AKT3: variants seen among roughly 807,000 people sequenced by gnomAD.
The protein encoded by AKT3 is AKT serine/threonine kinase 3, also known as RAC-gamma serine/threonine-protein kinase.
In AKT3, 15 loss-of-function variants were observed where a neutral mutation model predicts 65.3. That is an observed-to-expected ratio of 0.23 (90% CI 0.15 to 0.35). The LOEUF (loss-of-function observed/expected upper bound fraction) is 0.35, where lower values mean the gene tolerates loss of function less well. Among genes scored for constraint, AKT3 ranks in the 10% least tolerant of loss-of-function variants. The pLI is 1.00. For missense variants in AKT3, 243 were observed against 576.5 expected (o/e 0.42, Z 5.92); for synonymous variants, 206 against 183.8 (o/e 1.12, Z -0.98).
intron 12 of AKT3, among the ~76,000 whole-genome samples, chr1:243,516,939 T>C (rs1403222280): frequency 6.6e-6 from 1 of 152,240 alleles, no homozygotes; most frequent in Non-Finnish European, 1.5e-5. Flanking sequence ...TTTTCTTCTT[T>C]TCTAATGTTT....
intron 12 of AKT3, among the ~76,000 whole-genome samples, chr1:243,544,958 A>G (rs1391191522): frequency 1.3e-5 from 2 of 151,816 alleles, no homozygotes; most frequent in Non-Finnish European, 1.5e-5. Context: ...TCAGCCTCCC[A>G]AAGTGCTGGG....
At position 243,759,330 on chromosome 1, in the gene AKT3, AAAATT is replaced by A. The variant is rs74162710; in HGVS notation, c.47-63619_47-63615del. On this transcript the variant is annotated intron_variant, in intron 2 of 13. Coordinates refer to ENST00000673466, the MANE Select transcript of AKT3 (RefSeq NM_005465.7). ...GTAAAACCCTGTCTCACCAAAAAAT[AAAATT>A]AAATTAAATTAAATTAAATTAAAAA... 7.6e-3 allele frequency among the ~76,000 whole-genome samples: 367 copies of A among 48,604 alleles called. 3 individuals are homozygous for A. The highest frequency in any genetic ancestry group is 0.042 in the South Asian group (73 of 1,754). 31.9% of individuals were successfully genotyped at this position (48,604 alleles called of 152,430 possible). A position where few individuals can be genotyped will look rare whatever the true frequency, so the allele number is the denominator to read the frequency against.
chr1:243,504,069 A>G lies in AKT3; in HGVS notation c.*1180T>C. The G allele has an allele frequency of 4.5e-6, 1 of 224,566 alleles. No individual in the cohort carries two copies. The highest frequency in any genetic ancestry group is 8.9e-6 in the Non-Finnish European group (1 of 112,332). 13.9% of individuals were successfully genotyped at this position (224,566 alleles called of 1,614,324 possible). The stretch of plus-strand genomic sequence containing the variant: ...AATTCTAACCAATATATTCCATTTC[A>G]GAGCCTTATCATTTTTTTTAACAGA... On this transcript the variant is annotated 3_prime_UTR_variant, in exon 14 of 14. Coordinates refer to ENST00000673466, the MANE Select transcript of AKT3 (RefSeq NM_005465.7).
chr1:243,656,015 G>T (rs1681758068), intron 4 of AKT3, among the ~76,000 whole-genome samples: 1 of 148,408 alleles, frequency 6.7e-6, no homozygotes, highest in Admixed American at 6.8e-5. Flanking sequence ...ACTAGTGGTA[G>T]TTAGCTGGAC....
chr1:243,823,340 A>C lies in AKT3; in HGVS notation c.46+19785T>G, dbSNP rs553424045. On this transcript the variant is annotated intron_variant, in intron 2 of 13. Coordinates refer to ENST00000673466, the MANE Select transcript of AKT3 (RefSeq NM_005465.7). ...ATCTTACTGAATGGGCAAAAGCTGG[A>C]AACATTTCCCTTGAAAACTGGCACA... 7.2e-5 allele frequency among the ~76,000 whole-genome samples: 11 copies of C among 152,326 alleles called. No individual in the cohort carries two copies. In the South Asian group the frequency reaches 1.9e-3, roughly 26 times the overall value.
intron 12 of AKT3, among the ~76,000 whole-genome samples, chr1:243,517,652 A>C (rs1670451829): frequency 6.6e-6 from 1 of 152,186 alleles, no homozygotes; most frequent in East Asian, 1.9e-4. Context: ...CATAGTATAT[A>C]ATTTTCTGTT....
At chr1:243,569,558 G>A (rs1355637749) in intron 9 of AKT3, among the ~76,000 whole-genome samples, 2 of 152,094 alleles carry the variant, frequency 1.3e-5, no homozygotes, top group African/African-American at 2.4e-5. Flanking sequence ...AGGACGAGGA[G>A]GGCTATGATA....
At chr1:243,790,968 C>T (rs572160624) in intron 2 of AKT3, among the ~76,000 whole-genome samples, 20 of 152,088 alleles carry the variant, frequency 1.3e-4, no homozygotes, top group Non-Finnish European at 2.6e-4. Flanking sequence ...GTCACCATAA[C>T]CGGTATAATA....
At chr1:243,846,009 G>A (rs1405537435) in intron 1 of AKT3, among the ~76,000 whole-genome samples, 1 of 152,116 alleles carries the variant, frequency 6.6e-6, no homozygotes, top group Non-Finnish European at 1.5e-5. Context: ...AGCTCTTCCA[G>A]AGCTAATATT....
chr1:243,756,035 A>C (rs1689117537), intron 2 of AKT3, among the ~76,000 whole-genome samples: 1 of 152,240 alleles, frequency 6.6e-6, no homozygotes, highest in Non-Finnish European at 1.5e-5. Context: ...TATAAGTCAT[A>C]TATTGTAGAT....
chr1:243,717,517 AACT>A (rs1424498902), intron 2 of AKT3, among the ~76,000 whole-genome samples: 2 of 152,222 alleles, frequency 1.3e-5, no homozygotes, highest in Admixed American at 6.5e-5. Context: ...AGCACTGTAT[AACT>A]ACTACTTGCT....
intron 3 of AKT3, among the ~76,000 whole-genome samples, chr1:243,669,055 T>C (rs1025958226): frequency 5.3e-5 from 2 of 37,448 alleles, no homozygotes. Context: ...AAAGACATTA[T>C]ACTAATTTAT....
At chr1:243,542,042 A>T (rs1218827514) in intron 12 of AKT3, among the ~76,000 whole-genome samples, 1 of 152,216 alleles carries the variant, frequency 6.6e-6, no homozygotes, top group African/African-American at 2.4e-5. Context: ...AAGACCACCT[A>T]AATAAATGGA....
intron 10 of AKT3, among the ~76,000 whole-genome samples, chr1:243,555,330 TA>T (rs1673338394): frequency 6.6e-6 from 1 of 152,146 alleles, no homozygotes; most frequent in Non-Finnish European, 1.5e-5. Context: ...GAAACATACA[TA>T]AATAATGATT....
chr1:243,690,410 T>C (rs1333319453), intron 3 of AKT3, among the ~76,000 whole-genome samples: 2 of 152,232 alleles, frequency 1.3e-5, no homozygotes, highest in Non-Finnish European at 2.9e-5. Context: ...TATATTATTT[T>C]TTAAAGTGCA....
chr1:243,831,133 T>C (rs150761110), intron 2 of AKT3, among the ~76,000 whole-genome samples: 40 of 152,318 alleles, frequency 2.6e-4, no homozygotes, highest in Non-Finnish European at 4.6e-4. Flanking sequence ...TCTAGAATCA[T>C]TATTTTCTTC....
At chr1:243,761,019 C>A (rs1037316977) in intron 2 of AKT3, among the ~76,000 whole-genome samples, 6 of 152,154 alleles carry the variant, frequency 3.9e-5, no homozygotes, top group African/African-American at 1.2e-4. Context: ...CCCTGTATTT[C>A]ACCTAGAGCA....
At chr1:243,757,801 C>T (rs995079743) in intron 2 of AKT3, among the ~76,000 whole-genome samples, 2 of 149,286 alleles carry the variant, frequency 1.3e-5, no homozygotes, top group Non-Finnish European at 3.0e-5. Flanking sequence ...TGCTCTTTCA[C>T]CCAGGCTGAA....
At chr1:243,654,777 T>C (rs1458410108) in intron 4 of AKT3, among the ~76,000 whole-genome samples, 1 of 152,204 alleles carries the variant, frequency 6.6e-6, no homozygotes, top group African/African-American at 2.4e-5. Flanking sequence ...TATTTCATTA[T>C]TATTCCATCC....
Sources: allele counts gnomAD v4.1 joint callset (sites outside exome capture counted in the v4.1 genomes callset), GRCh38; gene constraint gnomAD v4.1.1; transcripts MANE v1.5; gene names NCBI Gene and HGNC (gene_info 2026-07-23, HGNC 2026-07-21).